MGLL: variants seen among roughly 807,000 people sequenced by gnomAD.
MGLL encodes lysophospholipase homolog.
Under a neutral mutation model 29.1 loss-of-function variants are expected in MGLL, and 7 were observed. The ratio of observed to expected loss-of-function variants is 0.24; its 90% CI spans 0.14 to 0.45. MGLL has a LOEUF of 0.45. Among genes scored for constraint, MGLL ranks in the 20% least tolerant of loss-of-function variants. MGLL has a pLI of 0.99. For missense variants in MGLL, 356 were observed against 413.6 expected, an observed-to-expected ratio of 0.86 and a Z score of 1.21; for synonymous variants, 148 against 168.3, an observed-to-expected ratio of 0.88 and a Z score of 0.93.
intron 6 of MGLL, among the ~76,000 whole-genome samples, chr3:127,699,051 T>C (rs2075426906): frequency 1.3e-5 from 2 of 152,230 alleles, no homozygotes; most frequent in South Asian, 2.1e-4. Flanking sequence ...AGTCTTTTTT[T>C]CCCCGGGGTG....
chr3:127,762,757 G>A (rs917997615), intron 3 of MGLL, among the ~76,000 whole-genome samples: 3 of 152,250 alleles, frequency 2.0e-5, no homozygotes, highest in South Asian at 2.1e-4. Context: ...GAGTATGCAC[G>A]TAGTAACAGG....
At chr3:127,780,076 T>A (rs958659696) in intron 3 of MGLL, among the ~76,000 whole-genome samples, 1 of 152,232 alleles carries the variant, frequency 6.6e-6, no homozygotes, top group Admixed American at 6.5e-5. Flanking sequence ...CACAGAGAGC[T>A]CTGCCTCAAC....
intron 2 of MGLL, among the ~76,000 whole-genome samples, chr3:127,819,230 G>C (rs186002606): frequency 1.2e-4 from 19 of 152,300 alleles, no homozygotes; most frequent in Non-Finnish European, 1.0e-4. Context: ...AGCCAGTCTT[G>C]GAACCCAGCA....
intron 6 of MGLL, among the ~76,000 whole-genome samples, chr3:127,705,420 TAGACAAG>T (rs2075581340): frequency 6.7e-6 from 1 of 149,742 alleles, no homozygotes; most frequent in East Asian, 1.9e-4. Flanking sequence ...AGAAAAACAA[TAGACAAG>T]AAATAGGAAA....
chr3:127,720,895 C>T (rs1050422115), intron 5 of MGLL, among the ~76,000 whole-genome samples, 158 bp downstream of exon 5: 15 of 152,176 alleles, frequency 9.9e-5, no homozygotes, highest in East Asian at 3.8e-4. Flanking sequence ...TACAGAACCC[C>T]GGTGGCAACA....
intron 3 of MGLL, among the ~76,000 whole-genome samples, chr3:127,769,158 C>G (rs150711627): frequency 0.13 from 19,075 of 152,132 alleles, 1,231 homozygotes; most frequent in Middle Eastern, 0.17. Context: ...TTGAGGCCAG[C>G]TTGGCCAACA....
At chr3:127,722,626 CCAGAGTTCTCCT>C in intron 3 of MGLL, 60 bp from the exon 4 acceptor site, 1 of 1,608,280 alleles carries the variant, frequency 6.2e-7, no homozygotes, top group Non-Finnish European at 8.5e-7. Flanking sequence ...CTACACAAGC[CCAGAGTTCTCCT>C]CACTGCAATC....
rs1226167629 is a variant in MGLL, at chr3:127,696,296, C to T, written c.601-1106G>A. On this transcript the variant is annotated intron_variant, in intron 6 of 7. Coordinates refer to ENST00000265052, the MANE Select transcript of MGLL (RefSeq NM_007283.7). ...TGCCTCCATAAAGACAGCTCAGGCT[C>T]CACTGCCCTGATCTCTCTAGCATCT... Among the ~76,000 whole-genome samples, 4 of 147,788 alleles carry T rather than the reference C, an allele frequency of 2.7e-5. No individual in the cohort carries two copies. In the East Asian group the frequency reaches 8.4e-4, roughly 31 times the overall value.
At chr3:127,805,527 C>T (rs1466584429) in intron 2 of MGLL, among the ~76,000 whole-genome samples, 1 of 152,180 alleles carries the variant, frequency 6.6e-6, no homozygotes, top group Non-Finnish European at 1.5e-5. Flanking sequence ...GCCACTGAGC[C>T]TTTGTGGGCC....
Position 127,692,342 on chromosome 3 carries a change from C to T in MGLL, c.817-19G>A, listed in dbSNP as rs373597237. On this transcript the variant is annotated intron_variant, in intron 7 of 7. Coordinates refer to ENST00000265052, the MANE Select transcript of MGLL (RefSeq NM_007283.7). ...CATAAATCTGCAATGAGGAGAGACACGGAATCAGAGCTGCACCATCAGAGG... is the reference window on the plus strand; with the variant it reads ...CATAAATCTGCAATGAGGAGAGACATGGAATCAGAGCTGCACCATCAGAGG... 62 of 1,613,712 alleles carry T rather than the reference C, an allele frequency of 3.8e-5. No individual in the cohort carries two copies. The Admixed American group carries it at 4.8e-4, about 13-fold the overall frequency.
intron 6 of MGLL, among the ~76,000 whole-genome samples, chr3:127,695,565 A>AT (rs1003796711): frequency 6.6e-6 from 1 of 152,144 alleles, no homozygotes; most frequent in African/African-American, 2.4e-5. Flanking sequence ...TCTGTATGGG[A>AT]TTTTTTGTAT....
intron 6 of MGLL, among the ~76,000 whole-genome samples, chr3:127,703,623 A>T (rs1242431300): frequency 6.6e-6 from 1 of 152,200 alleles, no homozygotes; most frequent in Non-Finnish European, 1.5e-5. Flanking sequence ...TATCCACTTC[A>T]TGACATTGGA....
At chr3:127,806,531 TG>T (rs2077569367) in intron 2 of MGLL, among the ~76,000 whole-genome samples, 1 of 151,712 alleles carries the variant, frequency 6.6e-6, no homozygotes, top group African/African-American at 2.4e-5. Context: ...GATGGATGGA[TG>T]GATGGACGGA....
Position 127,693,275 on chromosome 3 carries a change from G to A in MGLL, c.817-952C>T, listed in dbSNP as rs147797493. Among the ~76,000 whole-genome samples, 5 of 152,294 alleles carry A rather than the reference G, an allele frequency of 3.3e-5. No homozygotes were observed. The East Asian group carries it at 9.6e-4, about 29-fold the overall frequency. ...TCTGCCACCCTGCCTGGCTTGACCT[G>A]CCTTGGTTGTCACTGTCTCCTACCT... On this transcript the variant is annotated intron_variant, in intron 7 of 7. Coordinates refer to ENST00000265052, the MANE Select transcript of MGLL (RefSeq NM_007283.7).
rs891445265 is a variant in MGLL at position 127,737,886 on chromosome 3, C to T, written c.263-15320G>A. 4.6e-5 allele frequency among the ~76,000 whole-genome samples: 7 copies of T among 151,948 alleles called. No individual in the cohort carries two copies. The South Asian group carries it at 8.3e-4, about 18-fold the overall frequency. On this transcript the variant is annotated intron_variant, in intron 3 of 7. Coordinates refer to ENST00000265052, the MANE Select transcript of MGLL (RefSeq NM_007283.7). ...CTCGAACTTCTGACCGCAGGTGATCCCCTGCCCTAGTCTGGATTATAGGCA... is the reference window on the plus strand; with the variant it reads ...CTCGAACTTCTGACCGCAGGTGATCTCCTGCCCTAGTCTGGATTATAGGCA...
At chr3:127,823,105 C>A (rs2077894841), upstream of MGLL, 1 of 152,128 alleles carries the variant, frequency 6.6e-6, no homozygotes, top group South Asian at 2.1e-4. Flanking sequence ...GCGCCGCTGT[C>A]GCGTTCCCCG....
upstream of MGLL, chr3:127,822,562 CACT>C (rs2077882373): frequency 3.5e-6 from 2 of 579,168 alleles, no homozygotes; most frequent in Non-Finnish European, 6.1e-6. Context: ...TGCGATTCTC[CACT>C]ACTAGTTCAT....
intron 3 of MGLL, among the ~76,000 whole-genome samples, chr3:127,742,415 C>A (rs934746549): frequency 2.6e-4 from 40 of 152,028 alleles, no homozygotes; most frequent in African/African-American, 9.2e-4. Flanking sequence ...CATGGTGAAA[C>A]CCCATCTCTA....
intron 3 of MGLL, among the ~76,000 whole-genome samples, chr3:127,746,920 G>A (rs925884097): frequency 6.6e-6 from 1 of 152,116 alleles, no homozygotes; most frequent in Non-Finnish European, 1.5e-5. Context: ...CAGGGGACGG[G>A]GTCTAGGAAG....
Sources: allele counts gnomAD v4.1 joint callset (sites outside exome capture counted in the v4.1 genomes callset), GRCh38; gene constraint gnomAD v4.1.1; transcripts MANE v1.5; gene names NCBI Gene and HGNC (gene_info 2026-07-23, HGNC 2026-07-21).